The following STXBP5 variants were observed in gnomAD, a reference collection of about 807,000 sequenced individuals.
STXBP5 encodes the protein syntaxin binding protein 5.
In STXBP5, 50 loss-of-function variants were observed where a neutral mutation model predicts 152.4. That is an observed-to-expected ratio of 0.33 (90% CI 0.26 to 0.42). STXBP5 has a LOEUF of 0.42. Among genes scored for constraint, STXBP5 ranks in the 10% least tolerant of loss-of-function variants. STXBP5 has a pLI of 1.00. For missense variants in STXBP5, 1,167 were observed against 1,388.6 expected (o/e 0.84, Z 2.54); for synonymous variants, 492 against 494.7 (o/e 0.99, Z 0.07).
intron 25 of STXBP5, 114 bp from the exon 26 acceptor site, chr6:147,373,617 A>C (rs1785668948): frequency 1.5e-6 from 1 of 688,374 alleles, no homozygotes; most frequent in African/African-American, 1.8e-5. Context: ...TTAATTGTGA[A>C]TCTCAACAGG....
chr6:147,219,727 ATGTC>A (rs1400705945), intron 2 of STXBP5, among the ~76,000 whole-genome samples: 1 of 147,212 alleles, frequency 6.8e-6, no homozygotes, highest in East Asian at 2.0e-4. Flanking sequence ...AATTAAAGTG[ATGTC>A]TGTCTTTCAT....
chr6:147,316,146 AGT>A, intron 15 of STXBP5, 81 bp from the exon 16 acceptor site: 7 of 1,275,768 alleles, frequency 5.5e-6, no homozygotes, highest in Non-Finnish European at 7.6e-6. Flanking sequence ...GTTTATGTAA[AGT>A]GTGTGTGTAT....
intron 2 of STXBP5, among the ~76,000 whole-genome samples, chr6:147,213,347 G>A (rs1237886753): frequency 1.3e-5 from 2 of 150,438 alleles, no homozygotes; most frequent in Admixed American, 6.6e-5. Context: ...TAGACCTCCC[G>A]GGCTCAAACG....
chr6:147,336,677 C>T (rs935420712), intron 19 of STXBP5, among the ~76,000 whole-genome samples: 1 of 150,656 alleles, frequency 6.6e-6, no homozygotes. Context: ...TTATTAAAAC[C>T]GATATAGCTA....
intron 2 of STXBP5, among the ~76,000 whole-genome samples, chr6:147,207,091 T>C (rs1411556032): frequency 6.6e-6 from 1 of 152,166 alleles, no homozygotes; most frequent in Non-Finnish European, 1.5e-5. Flanking sequence ...TACCCCTTTA[T>C]ATTTTAGATT....
At chr6:147,252,301 TA>T (rs1779136323) in intron 4 of STXBP5, among the ~76,000 whole-genome samples, 2 of 152,094 alleles carry the variant, frequency 1.3e-5, no homozygotes, top group Non-Finnish European at 2.9e-5. Flanking sequence ...GAGTGTGTTC[TA>T]ACCCAATGCA....
chr6:147,369,839 A>G lies in STXBP5; in HGVS notation c.3082-3892A>G, dbSNP rs1463199423. ...CTCCATACAATGCTGATGGGAATGT[A>G]AAAAACTATAACCACTTTGGAAAAC... On this transcript the variant is annotated intron_variant, in intron 25 of 27. Coordinates refer to ENST00000321680, the MANE Select transcript of STXBP5 (RefSeq NM_001127715.4). Among the ~76,000 whole-genome samples the G allele has an allele frequency of 2.6e-5, 4 of 152,210 alleles. No individual in the cohort carries two copies. In the South Asian group the frequency reaches 8.3e-4, roughly 32 times the overall value.
chr6:147,213,751 T>C (rs1777018228), intron 2 of STXBP5, among the ~76,000 whole-genome samples: 1 of 152,144 alleles, frequency 6.6e-6, no homozygotes, highest in Admixed American at 6.5e-5. Flanking sequence ...GAAGGTATAC[T>C]TGGTATTTTG....
intron 26 of STXBP5, among the ~76,000 whole-genome samples, chr6:147,381,223 A>C (rs1308255673): frequency 6.6e-6 from 1 of 152,144 alleles, no homozygotes; most frequent in African/African-American, 2.4e-5. Context: ...AACCATATCA[A>C]CCTCAATAGA....
At chr6:147,294,247 C>A (rs1305117553) in intron 9 of STXBP5, among the ~76,000 whole-genome samples, 2 of 151,912 alleles carry the variant, frequency 1.3e-5, no homozygotes, top group South Asian at 2.1e-4. Flanking sequence ...GTGTGAACTC[C>A]GGAGTCAGAC....
chr6:147,299,761 A>G (rs1343224429), intron 9 of STXBP5, among the ~76,000 whole-genome samples: 1 of 152,024 alleles, frequency 6.6e-6, no homozygotes, highest in African/African-American at 2.4e-5. Context: ...GATTCATCCT[A>G]GGGAATTTCT....
chr6:147,344,698 A>T (rs1289467719), intron 21 of STXBP5, among the ~76,000 whole-genome samples: 1 of 152,216 alleles, frequency 6.6e-6, no homozygotes, highest in Non-Finnish European at 1.5e-5. Context: ...GCATCATTTT[A>T]ACTTAATCAC....
chr6:147,314,486 G>C, intron 13 of STXBP5, 110 bp from the exon 14 acceptor site: 1 of 1,353,848 alleles, frequency 7.4e-7, no homozygotes. Flanking sequence ...AGTTTACCCT[G>C]ATTTTTTTTA....
In STXBP5 at chr6:147,311,451, C is replaced by G. The variant is rs1782370892; in HGVS notation, c.1073-4C>G. On this transcript the variant is annotated splice_region_variant and splice_polypyrimidine_tract_variant and intron_variant, in intron 10 of 27. Transcript: ENST00000321680. ...ACTATAATTCATGCATTGTCCAATTCCAGATTTTCAAGAACCATATGCTGT... is the reference window on the plus strand; with the variant it reads ...ACTATAATTCATGCATTGTCCAATTGCAGATTTTCAAGAACCATATGCTGT... 6.2e-7 allele frequency: 1 copy of G among 1,611,288 alleles called. No homozygotes were observed. Among genetic ancestry groups the G allele is most frequent in the Non-Finnish European group, 8.5e-7 (1 of 1,178,724 alleles).
intron 19 of STXBP5, among the ~76,000 whole-genome samples, chr6:147,335,351 C>T (rs1423285822): frequency 6.6e-6 from 1 of 152,114 alleles, no homozygotes; most frequent in Non-Finnish European, 1.5e-5. Context: ...TACTTTCCTT[C>T]TAACTACATA....
At chr6:147,360,687 A>G (rs1582995955) in intron 23 of STXBP5, among the ~76,000 whole-genome samples, 1 of 152,140 alleles carries the variant, frequency 6.6e-6, no homozygotes, top group Admixed American at 6.6e-5. Flanking sequence ...TCTACTTTGA[A>G]GTGTTAGGAA....
At chr6:147,367,728 G>C (rs911028322) in intron 25 of STXBP5, among the ~76,000 whole-genome samples, 1 of 151,664 alleles carries the variant, frequency 6.6e-6, no homozygotes, top group African/African-American at 2.4e-5. Context: ...GGAAAACAAA[G>C]AAACAATAGA....
At chr6:147,362,915 C>T (rs748228326) in intron 23 of STXBP5, among the ~76,000 whole-genome samples, 1 of 152,162 alleles carries the variant, frequency 6.6e-6, no homozygotes, top group Non-Finnish European at 1.5e-5. Context: ...GGACAAGGCG[C>T]GTTCCCAGTG....
Position 147,364,182 on chromosome 6 carries a change from A to T in STXBP5, c.3081+16A>T, listed in dbSNP as rs1785191286. ...AAATCTTCAGGTAATTAATAAAAAT[A>T]TTACTGTAATTTCTTCAGAGGTAAA... On this transcript the variant is annotated intron_variant, in intron 25 of 27. Coordinates refer to ENST00000321680, the MANE Select transcript of STXBP5 (RefSeq NM_001127715.4). 1.2e-6 allele frequency: 2 copies of T among 1,604,458 alleles called. No homozygotes were observed. Among genetic ancestry groups the T allele is most frequent in the Non-Finnish European group, 1.7e-6 (2 of 1,174,824 alleles).
Sources: gnomAD v4.1 joint callset for allele counts (sites outside exome capture counted in the v4.1 genomes callset) on GRCh38, gnomAD v4.1.1 for gene constraint, MANE v1.5 for transcripts, NCBI Gene and HGNC (gene_info 2026-07-23, HGNC 2026-07-21) for gene names.